The following PKD1 variants were observed in gnomAD, a reference collection of about 807,000 sequenced individuals.
PKD1 encodes the protein polycystin-1.
In PKD1, 81 loss-of-function variants were observed where a neutral mutation model predicts 361.7. The observed-to-expected ratio is 0.22, with a 90% CI of 0.19 to 0.27. PKD1 has a LOEUF of 0.27. PKD1 is among the 10% of genes least tolerant of loss of function. The pLI is 1.00. For synonymous variants in PKD1, 3,615 were observed against 2,818.3 expected, an observed-to-expected ratio of 1.28 and a Z score of -8.95; for missense variants, 6,399 against 6,118.3, an observed-to-expected ratio of 1.05 and a Z score of -1.53.
rs112282112 is a variant in PKD1 at position 2,113,467 on chromosome 16, C to A, written c.2854-175G>T. 21 of 718,082 alleles carry A rather than the reference C, an allele frequency of 2.9e-5. 1 individual carries two copies. The highest frequency in any genetic ancestry group is 2.1e-4 in the African/African-American group (12 of 57,668). The allele number at this position is 718,082 out of a possible 1,614,324, so 44.5% of individuals were successfully genotyped here. The stretch of plus-strand genomic sequence containing the variant: ...AGCCCGGGCTGGGACACTCACTGTC[C>A]GGCTCTCCAGCCAGCCATGTAGTAC... On this transcript the variant is annotated intron_variant, in intron 11 of 45. Transcript: ENST00000262304.
At chr16:2,130,565 A>G (rs778138119) in intron 1 of PKD1, among the ~76,000 whole-genome samples, 2 of 152,182 alleles carry the variant, frequency 1.3e-5, no homozygotes, top group Non-Finnish European at 2.9e-5. Context: ...CTTGGTGACA[A>G]TCCCTAGTCC....
At position 2,088,881 on chromosome 16, in the gene PKD1, G is replaced by GCGCGCGCACACACACACACA. The variant is rs142285430; in HGVS notation, c.*845_*846insTGTGTGTGTGTGTGCGCGCG. ...ACAGCACACTCGCGCGTGCGCGCGC[G>GCGCGCGCACACACACACACA]CACACACACACACACACAGTCACCT... is the stretch of plus-strand genomic sequence containing the variant. On this transcript the variant is annotated 3_prime_UTR_variant, in exon 46 of 46. Transcript: ENST00000262304. 2 of 410,744 alleles carry GCGCGCGCACACACACACACA rather than the reference G, an allele frequency of 4.9e-6. No homozygotes were observed. The highest frequency in any genetic ancestry group is 4.5e-5 in the African/African-American group (2 of 44,062). The allele number at this position is 410,744 out of a possible 1,614,324, so 25.4% of individuals were successfully genotyped here.
intron 10 of PKD1, 184 bp downstream of exon 10, chr16:2,115,194 G>A (rs2092610282): frequency 1.6e-6 from 1 of 611,058 alleles, no homozygotes. Flanking sequence ...CAAGGGCCCA[G>A]GCGAGAGCTT....
rs771431697 is a variant in PKD1, at chr16:2,090,085, G to C, written c.12554C>G (p.Ser4185Trp). Residue 4185 changes from serine (S) to tryptophan (W), a missense_variant, in exon 46 of 46, where the codon TCG becomes TGG. Physicochemically the swap from Ser to Trp is radical, Grantham distance 177. Transcript: ENST00000262304. Reference protein sequence around the residue: ...VPPPSAGSDASHPSTSSSQLD... With the variant: ...VPPPSAGSDAWHPSTSSSQLD... ...CTGGCTGGAGGAGGTGGAGGGGTGC[G>C]AGGCATCGGAGCCAGCGCTGGGTGG... 6.2e-6 allele frequency: 10 copies of C among 1,608,750 alleles called. No individual in the cohort carries two copies. The highest frequency in any genetic ancestry group is 1.1e-5 in the South Asian group (1 of 90,952).
chr16:2,108,443 T>C lies in PKD1; in HGVS notation c.6724A>G (p.Thr2242Ala). ...FVVSFGDTPL[T>A]QSIQANVTVA... ...GTCACATTGGCCTGGATGCTCTGTG[T>C]CAGTGGCGTGTCCCCAAATGACACG... The change falls in exon 15 of 46, where the codon ACA (threonine) becomes GCA (alanine). Residue 2242 changes from threonine to alanine, a missense_variant. Transcript: ENST00000262304. 1.2e-6 allele frequency: 2 copies of C among 1,610,542 alleles called. No individual in the cohort carries two copies. Among genetic ancestry groups the C allele is most frequent in the Non-Finnish European group, 1.7e-6 (2 of 1,179,726 alleles).
rs765114440 is a variant in PKD1, at chr16:2,110,378, T to C, written c.4789A>G (p.Ile1597Val). ...CCCACGGAGCGGAAGGTGTAAGAGA[T>C]GGTAGGACCCCCAGGGATGGGCGTG... ...RCTPIPGGPT[I>V]SYTFRSVGTF... Residue 1597 changes from isoleucine (I) to valine (V), a missense_variant, in exon 15 of 46, where the codon ATC becomes GTC. By Grantham distance (29) the Ile-to-Val change is conservative (BLOSUM62 3). Transcript: ENST00000262304. 4 of 1,612,588 alleles carry C rather than the reference T, an allele frequency of 2.5e-6. No homozygotes were observed. In the South Asian group the frequency reaches 3.3e-5, roughly 13 times the overall value.
chr16:2,100,392 A>G lies in PKD1; in HGVS notation c.9568+4T>C, dbSNP rs1456173296. On this transcript the variant is annotated splice_donor_region_variant and intron_variant, in intron 27 of 45. Coordinates refer to ENST00000262304, the MANE Select transcript of PKD1 (RefSeq NM_001009944.3). This position sits in a 1 kb window ranked among gnomAD's most constrained non-coding sequence, Gnocchi z 4.4. ...GGGCAGAGCTTGGCAGGGTCCGCAC[A>G]AACCTTTGTTGTCGTGCCACACTCG... 4 of 1,611,258 alleles carry G rather than the reference A, an allele frequency of 2.5e-6. No homozygotes were observed. Among genetic ancestry groups the G allele is most frequent in the Non-Finnish European group, 3.4e-6 (4 of 1,179,766 alleles).
chr16:2,092,876 ACATGTC>A (rs2091662188), intron 38 of PKD1, 72 bp downstream of exon 38: 1 of 1,542,804 alleles, frequency 6.5e-7, no homozygotes. Flanking sequence ...ACACATGTCC[ACATGTC>A]CCCTAGGGTC....
chr16:2,114,844 G>A lies in PKD1; in HGVS notation c.2179C>T (p.Leu727=). Residue 727 remains leucine, a synonymous_variant, in exon 11 of 46, where the codon CTG becomes TTG. Transcript: ENST00000262304. Reference sequence around the variant, plus strand: ...TGGCCGGGAGCCGGCGAGCAGTGCAGGAGGGCGCCAGGGCCAGCGTCGTGC... The same window carrying A: ...TGGCCGGGAGCCGGCGAGCAGTGCAAGAGGGCGCCAGGGCCAGCGTCGTGC... The part of the protein sequence containing the change: ...LQHDAGPGAL[L]HCSPAPGHPG... 6.8e-7 allele frequency: 1 copy of A among 1,460,600 alleles called. No individual in the cohort carries two copies. The highest frequency in any genetic ancestry group is 9.3e-7 in the Non-Finnish European group (1 of 1,080,602). The allele number at this position is 1,460,600 out of a possible 1,614,324, so 90.5% of individuals were successfully genotyped here.
rs768378157 is a variant in PKD1, at chr16:2,093,063, C to A, written c.11047G>T (p.Val3683Leu). The A allele has an allele frequency of 8.1e-6, 13 of 1,612,756 alleles. No homozygotes were observed. In the African/African-American group the frequency reaches 1.6e-4, roughly 20 times the overall value. Reference protein sequence around the residue: ...SLLVYMLFLLVTLLASYGDAS... With the variant: ...SLLVYMLFLLLTLLASYGDAS... ...TCCCCATAGCTGGCCAGCAGGGTCACCAGCAGAAAAAGCATGTACACCAGG... is the reference window on the plus strand; with the variant it reads ...TCCCCATAGCTGGCCAGCAGGGTCAACAGCAGAAAAAGCATGTACACCAGG... The change falls in exon 38 of 46, where the codon GTG becomes TTG. Residue 3683 changes from valine (V) to leucine (L), a missense_variant. Val to Leu is a conservative substitution (Grantham distance 32, BLOSUM62 1). Transcript: ENST00000262304.
rs1435050390 is a variant in PKD1 at position 2,129,388 on chromosome 16, A to G, written c.215+6087T>C. On this transcript the variant is annotated intron_variant, in intron 1 of 45. Coordinates refer to ENST00000262304, the MANE Select transcript of PKD1 (RefSeq NM_001009944.3). ...CTGGCCTCAAGCCATCTGCTCTCCT[A>G]AAGTGCTGGGATTACAGGCGTGAGG... Among the ~76,000 whole-genome samples the G allele has an allele frequency of 2.6e-5, 4 of 150,996 alleles. No individual in the cohort carries two copies. In the South Asian group the frequency reaches 6.3e-4, roughly 24 times the overall value.
chr16:2,131,060 C>G (rs899407837), intron 1 of PKD1, among the ~76,000 whole-genome samples: 4 of 152,188 alleles, frequency 2.6e-5, no homozygotes, highest in Non-Finnish European at 5.9e-5. Flanking sequence ...CTCCAACGAC[C>G]AATTTACAAG....
At chr16:2,115,693 C>T in intron 9 of PKD1, 68 bp from the exon 10 acceptor site, 2 of 1,460,782 alleles carry the variant, frequency 1.4e-6, no homozygotes. Flanking sequence ...GCCCAACTGC[C>T]TGCACCAGCA....
intron 34 of PKD1, among the ~76,000 whole-genome samples, 166 bp from the exon 35 acceptor site, chr16:2,094,376 G>GA (rs1446082606): frequency 1.3e-5 from 2 of 152,200 alleles, no homozygotes; most frequent in African/African-American, 4.8e-5. Context: ...GTGGTGCTGG[G>GA]AGCCAGGGAA....
intron 1 of PKD1, among the ~76,000 whole-genome samples, chr16:2,127,306 C>T (rs1011600446): frequency 2.6e-5 from 4 of 152,196 alleles, no homozygotes; most frequent in African/African-American, 4.8e-5. Flanking sequence ...CAGCCCCGCA[C>T]GTCTCACACA....
intron 6 of PKD1, among the ~76,000 whole-genome samples, 181 bp downstream of exon 6, chr16:2,117,308 C>T (rs2092654229): frequency 6.6e-6 from 1 of 152,206 alleles, no homozygotes; most frequent in Non-Finnish European, 1.5e-5. Flanking sequence ...CTGCCCCCAG[C>T]TCATGTCCAC....
rs371881043 is a variant in PKD1, at chr16:2,097,439, T to C, written c.10285A>G (p.Ile3429Val). ...SWPDLLSDPS[I>V]VGSNLRQLAR... is the part of the protein sequence containing the mutation. ...AGCTGCCGCAGATTGCTACCCACAA[T>C]GGACGGGTCACTGAGCAGGTCCGGC... Residue 3429 changes from isoleucine to valine, a missense_variant, in exon 33 of 46, where the codon ATT becomes GTT. Ile to Val is a conservative substitution (Grantham distance 29, BLOSUM62 3). Coordinates refer to ENST00000262304, the MANE Select transcript of PKD1 (RefSeq NM_001009944.3). The C allele has an allele frequency of 4.4e-6, 7 of 1,607,108 alleles. No individual in the cohort carries two copies. The highest frequency in any genetic ancestry group is 2.2e-5 in the East Asian group (1 of 44,878).
rs776541945 is a variant in PKD1, at chr16:2,102,166, G to A, written c.9292C>T (p.Leu3098=). ...YMVMAAILHK[L]DQLDASRGRA... is the part of the protein sequence containing the mutation. ...CCCCGGCTGGCATCCAACTGGTCCA[G>A]CTTGTGCAGGATGGCGGCCATGACC... is the stretch of plus-strand genomic sequence containing the variant. The change falls in exon 26 of 46, where the codon CTG becomes TTG. Residue 3098 remains leucine, a synonymous_variant. Transcript: ENST00000262304. The A allele has an allele frequency of 2.6e-6, 4 of 1,552,830 alleles. No individual in the cohort carries two copies. In the South Asian group the frequency reaches 3.3e-5, roughly 13 times the overall value.
At position 2,118,986 on chromosome 16, in the gene PKD1, G is replaced by A. The variant is rs1167738672; in HGVS notation, c.359+128C>T. The A allele has an allele frequency of 3.3e-6, 3 of 902,096 alleles. No homozygotes were observed. Among genetic ancestry groups the A allele is most frequent in the Non-Finnish European group, 5.2e-6 (3 of 571,546 alleles). The allele number at this position is 902,096 out of a possible 1,614,324, so 55.9% of individuals were successfully genotyped here. A position where few individuals can be genotyped will look rare whatever the true frequency, so the allele number is the denominator to read the frequency against. On this transcript the variant is annotated intron_variant, in intron 3 of 45. Coordinates refer to ENST00000262304, the MANE Select transcript of PKD1 (RefSeq NM_001009944.3). The surrounding 1 kb of genome is among the most constrained non-coding windows in gnomAD (Gnocchi z 6.0). ...CCAAGCCGGCACTGGGGGGCTCCAA[G>A]CAGGCAGTGAACTGCCCCCAGGATC...
Sources: gnomAD v4.1 joint callset for allele counts (sites outside exome capture counted in the v4.1 genomes callset) on GRCh38, gnomAD v4.1.1 for gene constraint, Gnocchi (gnomAD v3.1) non-coding constraint, MANE v1.5 for transcripts, NCBI Gene and HGNC (gene_info 2026-07-23, HGNC 2026-07-21) for gene names.